The following ZC3H14 variants were observed in gnomAD, a reference collection of about 807,000 sequenced individuals.
The protein encoded by ZC3H14 is zinc finger CCCH domain-containing protein 14.
A neutral mutation model predicts 92.4 loss-of-function variants in ZC3H14; 31 were observed. The observed-to-expected ratio is 0.34, with a 90% confidence interval of 0.25 to 0.45. The LOEUF (loss-of-function observed/expected upper bound fraction) is 0.45, where lower values mean the gene tolerates loss of function less well. ZC3H14 is among the 20% of genes least tolerant of loss of function. The probability of loss-of-function intolerance (pLI) is 1.00; values close to 1 mark genes in which losing one functional copy is unlikely to be tolerated. For missense variants in ZC3H14, 781 were observed against 897.3 expected (o/e 0.87, Z 1.66); for synonymous variants, 321 against 300.9 (o/e 1.07, Z -0.69).
At position 88,563,071 on chromosome 14, in the gene ZC3H14, C is replaced by G; in HGVS notation, c.-63C>G. 1.3e-6 allele frequency: 2 copies of G among 1,542,084 alleles called. No individual in the cohort carries two copies. Among genetic ancestry groups the G allele is most frequent in the Non-Finnish European group, 8.7e-7 (1 of 1,150,456 alleles). On this transcript the variant is annotated 5_prime_UTR_variant, in exon 1 of 17. Coordinates refer to ENST00000251038, the MANE Select transcript of ZC3H14 (RefSeq NM_024824.5). ...GGTGTCCCGGCTGCGGGGTAGGAGT[C>G]CGCGGCAGCCTCCGGGTAAGCCAAG...
chr14:88,617,487 G>C lies in ZC3H14; in HGVS notation c.*5736G>C, dbSNP rs1229105299. The C allele has an allele frequency of 6.6e-6, 1 of 152,314 alleles. No homozygotes were observed. Among genetic ancestry groups the C allele is most frequent in the East Asian group, 1.9e-4 (1 of 5,196 alleles). The allele number at this position is 152,314 out of a possible 1,614,324, so 9.4% of individuals were successfully genotyped here. On this transcript the variant is annotated 3_prime_UTR_variant, in exon 17 of 17. Transcript: ENST00000251038. ...ATTTTTCAAATTAAAAGTGCTACTT[G>C]GCTGGGTCCAGCAGCACATACCAGT...
chr14:88,616,625 G>C lies in ZC3H14; in HGVS notation c.*4874G>C, dbSNP rs1163560043. 3 of 1,241,356 alleles carry C rather than the reference G, an allele frequency of 2.4e-6. No individual in the cohort carries two copies. The highest frequency in any genetic ancestry group is 3.3e-6 in the Non-Finnish European group (3 of 919,418). 76.9% of individuals were successfully genotyped at this position (1,241,356 alleles called of 1,614,324 possible). On this transcript the variant is annotated 3_prime_UTR_variant, in exon 17 of 17. Transcript: ENST00000251038. ...TTTAGAAAGTTTGGGGAAAAATTTA[G>C]AAATTAGGACAAAACATTTTAAATA...
chr14:88,611,716 TA>T (rs1361439268), intron 16 of ZC3H14, 28 bp from the exon 17 acceptor site: 1 of 1,613,922 alleles, frequency 6.2e-7, no homozygotes, highest in South Asian at 1.1e-5. Flanking sequence ...AGCAGATAAT[TA>T]AAACAATTTT....
Position 88,622,652 on chromosome 14 carries a change from A to G in ZC3H14, c.*10901A>G. 6.2e-7 allele frequency: 1 copy of G among 1,611,692 alleles called. No homozygotes were observed. The highest frequency in any genetic ancestry group is 8.5e-7 in the Non-Finnish European group (1 of 1,178,812). On this transcript the variant is annotated 3_prime_UTR_variant, in exon 17 of 17. Transcript: ENST00000251038. ...CACAATCTGTGGCTTGTCCTGTCTCAAGCCTGAAGGCACGGCACCGCCTCA... is the reference window on the plus strand; with the variant it reads ...CACAATCTGTGGCTTGTCCTGTCTCGAGCCTGAAGGCACGGCACCGCCTCA...
At position 88,563,391 on chromosome 14, in the gene ZC3H14, C is replaced by T; in HGVS notation, c.36+222C>T. The T allele has an allele frequency of 3.5e-6, 5 of 1,439,116 alleles. No individual in the cohort carries two copies. The South Asian group carries it at 4.5e-5, about 13-fold the overall frequency. 89.1% of individuals were successfully genotyped at this position (1,439,116 alleles called of 1,614,324 possible). ...AAGTAGCCGCCGGGAAATGGAAGGA[C>T]AGGCGCAGGCCCGGCTGGAGCCACC... On this transcript the variant is annotated intron_variant, in intron 1 of 16. Coordinates refer to ENST00000251038, the MANE Select transcript of ZC3H14 (RefSeq NM_024824.5).
intron 6 of ZC3H14, 80 bp downstream of exon 6, chr14:88,573,087 C>T: frequency 6.6e-7 from 1 of 1,508,794 alleles, no homozygotes; most frequent in South Asian, 1.1e-5. Context: ...AGTAACTAAA[C>T]ACATATTCCA....
chr14:88,602,038 C>G lies in ZC3H14; in HGVS notation c.1469C>G (p.Thr490Ser). ...CCAAACCAAGAGTCGGGGATGAAGA[C>G]TGCAGATTCCCTTCGGGTACTTTCA... ...VAPNQESGMK[T>S]ADSLRVLSGH... Residue 490 changes from threonine (T) to serine (S), a missense_variant, in exon 11 of 17, where the codon ACT (threonine) becomes AGT (serine). This residue lies in a region of ZC3H14 where 454 missense variants were observed against 438.5 expected (regional missense o/e 1.04). Coordinates refer to ENST00000251038, the MANE Select transcript of ZC3H14 (RefSeq NM_024824.5). 1 of 1,614,148 alleles carries G rather than the reference C, an allele frequency of 6.2e-7. No individual in the cohort carries two copies. The highest frequency in any genetic ancestry group is 2.2e-5 in the East Asian group (1 of 44,878).
rs2087545343 is a variant in ZC3H14, at chr14:88,615,963, C to G, written c.*4212C>G. On this transcript the variant is annotated 3_prime_UTR_variant, in exon 17 of 17. Coordinates refer to ENST00000251038, the MANE Select transcript of ZC3H14 (RefSeq NM_024824.5). Reference sequence around the variant, plus strand: ...AGGTTACATGTGTAATATTTTTCCTCTTTAACTCCTTTTATTCTGTATTTG... The same window carrying G: ...AGGTTACATGTGTAATATTTTTCCTGTTTAACTCCTTTTATTCTGTATTTG... The G allele has an allele frequency of 1.5e-6, 2 of 1,330,854 alleles. No homozygotes were observed. Among genetic ancestry groups the G allele is most frequent in the African/African-American group, 2.9e-5 (2 of 68,160 alleles). The allele number at this position is 1,330,854 out of a possible 1,614,324, so 82.4% of individuals were successfully genotyped here.
Position 88,626,572 on chromosome 14 carries a change from G to A in ZC3H14, c.*14821G>A, listed in dbSNP as rs949889040. 2.5e-5 allele frequency: 10 copies of A among 406,408 alleles called. No homozygotes were observed. The highest frequency in any genetic ancestry group is 3.7e-5 in the Admixed American group (1 of 26,678). 25.2% of individuals were successfully genotyped at this position (406,408 alleles called of 1,614,324 possible). On this transcript the variant is annotated 3_prime_UTR_variant, in exon 17 of 17. Coordinates refer to ENST00000251038, the MANE Select transcript of ZC3H14 (RefSeq NM_024824.5). ...ATGGAGGCTACAGTGAGCTATAATC[G>A]CACCATTGCACCCCAGCCCAGGCGA...
chr14:88,625,175 T>G lies in ZC3H14; in HGVS notation c.*13424T>G, dbSNP rs775485192. On this transcript the variant is annotated 3_prime_UTR_variant, in exon 17 of 17. Transcript: ENST00000251038. ...GAGACAAACTCATCAAAAGTTCAAA[T>G]AGAGTTTAAATAGATAATTTTCTAT... 6.3e-7 allele frequency: 1 copy of G among 1,598,650 alleles called. No individual in the cohort carries two copies. Among genetic ancestry groups the G allele is most frequent in the South Asian group, 1.1e-5 (1 of 88,480 alleles).
At chr14:88,602,704 G>A (rs1661375744) in intron 11 of ZC3H14, 124 bp from the exon 12 acceptor site, 1 of 1,014,648 alleles carries the variant, frequency 9.9e-7, no homozygotes, top group African/African-American at 1.6e-5. Flanking sequence ...GCCCTACCTA[G>A]TCTTTTTTTA....
intron 15 of ZC3H14, among the ~76,000 whole-genome samples, chr14:88,610,323 G>A (rs1196546581): frequency 6.6e-6 from 1 of 152,062 alleles, no homozygotes; most frequent in South Asian, 2.1e-4. Flanking sequence ...GAGTGTAAGG[G>A]ATAATTAGAA....
Position 88,622,214 on chromosome 14 carries a change from A to T in ZC3H14, c.*10463A>T, listed in dbSNP as rs2089119655. 5.7e-6 allele frequency: 1 copy of T among 174,274 alleles called. No individual in the cohort carries two copies. The highest frequency in any genetic ancestry group is 1.2e-5 in the Non-Finnish European group (1 of 80,818). 10.8% of individuals were successfully genotyped at this position (174,274 alleles called of 1,614,324 possible). On this transcript the variant is annotated 3_prime_UTR_variant, in exon 17 of 17. Coordinates refer to ENST00000251038, the MANE Select transcript of ZC3H14 (RefSeq NM_024824.5). ...CCACCAAGAATGACAGAATTTCATT[A>T]TTTTTTATGGCTGAGTAGTATTTCA... is the stretch of plus-strand genomic sequence containing the variant.
At chr14:88,578,704 T>C (rs1225723806) in intron 9 of ZC3H14, among the ~76,000 whole-genome samples, 1 of 151,662 alleles carries the variant, frequency 6.6e-6, no homozygotes, top group Non-Finnish European at 1.5e-5. Flanking sequence ...TTAAGCATCC[T>C]GTCTCTGACC....
At position 88,609,328 on chromosome 14, in the gene ZC3H14, G is replaced by A. The variant is rs769460840; in HGVS notation, c.1930G>A (p.Asp644Asn). 1.2e-6 allele frequency: 2 copies of A among 1,613,982 alleles called. No individual in the cohort carries two copies. The highest frequency in any genetic ancestry group is 1.7e-6 in the Non-Finnish European group (2 of 1,179,964). ...GTTTGTTCACCCAAATTGTAAATAT[G>A]ATGCAAAGTGTACTAAACCAGATTG... ...CLFVHPNCKY[D>N]AKCTKPDCPF... Residue 644 changes from aspartate (D) to asparagine (N), a missense_variant, in exon 14 of 17, where the codon GAT becomes AAT. Around this residue, in one of 3 missense-constraint regions of ZC3H14, gnomAD observed 221 missense variants for 304.7 expected, o/e 0.73. Coordinates refer to ENST00000251038, the MANE Select transcript of ZC3H14 (RefSeq NM_024824.5).
In ZC3H14 at chr14:88,615,923, T is replaced by G. The variant is rs968315378; in HGVS notation, c.*4172T>G. ...AGATTTTCATAACAGTTTAATATTT[T>G]TCAGTTGTGCTTTCAGGTTACATGT... On this transcript the variant is annotated 3_prime_UTR_variant, in exon 17 of 17. Coordinates refer to ENST00000251038, the MANE Select transcript of ZC3H14 (RefSeq NM_024824.5). The G allele has an allele frequency of 8.1e-5, 124 of 1,531,976 alleles. No homozygotes were observed. Among genetic ancestry groups the G allele is most frequent in the Non-Finnish European group, 1.1e-4 (122 of 1,127,270 alleles). The allele number at this position is 1,531,976 out of a possible 1,614,324, so 94.9% of individuals were successfully genotyped here. A position where few individuals can be genotyped will look rare whatever the true frequency, so the allele number is the denominator to read the frequency against.
chr14:88,616,171 A>T lies in ZC3H14; in HGVS notation c.*4420A>T. 6.2e-7 allele frequency: 1 copy of T among 1,613,956 alleles called. No homozygotes were observed. The highest frequency in any genetic ancestry group is 8.5e-7 in the Non-Finnish European group (1 of 1,179,826). On this transcript the variant is annotated 3_prime_UTR_variant, in exon 17 of 17. Coordinates refer to ENST00000251038, the MANE Select transcript of ZC3H14 (RefSeq NM_024824.5). ...AGTCATCACCTCCAGCACTAACAAC[A>T]TGTCGATCACCACTGGTAAATCGAA...
At chr14:88,565,020 A>G (rs983999262) in intron 2 of ZC3H14, among the ~76,000 whole-genome samples, 8 of 152,206 alleles carry the variant, frequency 5.3e-5, no homozygotes, top group African/African-American at 1.9e-4. Context: ...TGCCAATCAC[A>G]TGTGAGCTTT....
Position 88,626,487 on chromosome 14 carries a change from G to C in ZC3H14, c.*14736G>C. On this transcript the variant is annotated 3_prime_UTR_variant, in exon 17 of 17. Coordinates refer to ENST00000251038, the MANE Select transcript of ZC3H14 (RefSeq NM_024824.5). ...ATGAAAGAAAAATTAGCCTAGCATG[G>C]TGGTTCCTGCCCTGTAGTCCCAGCT... 4.9e-6 allele frequency: 1 copy of C among 205,588 alleles called. No individual in the cohort carries two copies. Among genetic ancestry groups the C allele is most frequent in the Non-Finnish European group, 1.0e-5 (1 of 100,412 alleles). 12.7% of individuals were successfully genotyped at this position (205,588 alleles called of 1,614,324 possible). A position where few individuals can be genotyped will look rare whatever the true frequency, so the allele number is the denominator to read the frequency against.
Sources: gnomAD v4.1 joint callset for allele counts (sites outside exome capture counted in the v4.1 genomes callset) on GRCh38, gnomAD v4.1.1 for gene constraint, gnomAD v4.1.1 regional missense constraint, MANE v1.5 for transcripts, NCBI Gene and HGNC (gene_info 2026-07-23, HGNC 2026-07-21) for gene names.